Variants in OR2G6 observed in about 807,000 individuals in gnomAD.
The protein encoded by OR2G6 is olfactory receptor family 2 subfamily G member 6.
For synonymous variants in OR2G6, 183 were observed against 155.2 expected (o/e 1.18, Z -1.33); for missense variants, 457 against 391.3 (o/e 1.17, Z -1.42).
intron 1 of OR2G6, among the ~76,000 whole-genome samples, chr1:248,508,963 A>C (rs1335464091): frequency 1.6e-5 from 2 of 127,206 alleles, no homozygotes; most frequent in Non-Finnish European, 3.2e-5. Context: ...AAACATTTTA[A>C]GTTTTATTGA....
Position 248,525,152 on chromosome 1 carries a change from TTC to T in OR2G6, c.*2559_*2560del, listed in dbSNP as rs1316222808. 6.2e-4 allele frequency: 95 copies of T among 152,160 alleles called. 1 individual carries two copies. Among genetic ancestry groups the T allele is most frequent in the African/African-American group, 2.1e-3 (89 of 41,436 alleles). 9.4% of individuals were successfully genotyped at this position (152,160 alleles called of 1,614,324 possible). On this transcript the variant is annotated 3_prime_UTR_variant, in exon 2 of 2. Transcript: ENST00000641804. Reference sequence around the variant, plus strand: ...CCTATAATTGAATAACATGAGTAGTTTCTCTTTTTTAAATACCTACATTGAGC... The same window carrying T: ...CCTATAATTGAATAACATGAGTAGTTTCTTTTTTAAATACCTACATTGAGC...
At chr1:248,520,385 C>T (rs561377937) in intron 1 of OR2G6, among the ~76,000 whole-genome samples, 73 of 152,184 alleles carry the variant, frequency 4.8e-4, no homozygotes, top group Non-Finnish European at 9.6e-4. Context: ...ATGTAACGTG[C>T]ACGTTCTGCA....
rs1435791074 is a variant in OR2G6 at position 248,527,026 on chromosome 1, T to A, written c.*4429T>A. 6.6e-6 allele frequency: 1 copy of A among 152,238 alleles called. No homozygotes were observed. The highest frequency in any genetic ancestry group is 1.5e-5 in the Non-Finnish European group (1 of 68,054). 9.4% of individuals were successfully genotyped at this position (152,238 alleles called of 1,614,324 possible). A position where few individuals can be genotyped will look rare whatever the true frequency, so the allele number is the denominator to read the frequency against. ...TCCCATTTGTCAATTTTGGCTTTTG[T>A]TGCCATTGCTTTTGGTGTTTTAGAC... On this transcript the variant is annotated 3_prime_UTR_variant, in exon 2 of 2. Coordinates refer to ENST00000641804, the MANE Select transcript of OR2G6 (RefSeq NM_001013355.2).
In OR2G6 at chr1:248,521,733, C is replaced by T; in HGVS notation, c.87C>T (p.Ala29=). The T allele has an allele frequency of 1.9e-6, 3 of 1,614,040 alleles. No individual in the cohort carries two copies. Among genetic ancestry groups the T allele is most frequent in the African/African-American group, 1.3e-5 (1 of 75,018 alleles). Residue 29 remains alanine (A), a synonymous_variant, in exon 2 of 2, where the codon GCC becomes GCT. Transcript: ENST00000641804. ...CTCAGCTAGAGAGGTTTCTTTTTGC[C>T]ATCATTTTGTACTTCTACGTCTTGA... ...DQPQLERFLF[A]IILYFYVLSL...
chr1:248,524,862 G>A lies in OR2G6; in HGVS notation c.*2265G>A, dbSNP rs553035804. On this transcript the variant is annotated 3_prime_UTR_variant, in exon 2 of 2. Coordinates refer to ENST00000641804, the MANE Select transcript of OR2G6 (RefSeq NM_001013355.2). ...TAGCATCTTTAGCTGTAAGTTATTT[G>A]CACCCAAAAGGAAACCAGAAAATAA... 2 of 152,046 alleles carry A rather than the reference G, an allele frequency of 1.3e-5. No homozygotes were observed. The highest frequency in any genetic ancestry group is 4.2e-4 in the South Asian group (2 of 4,794). 9.4% of individuals were successfully genotyped at this position (152,046 alleles called of 1,614,324 possible).
In OR2G6 at chr1:248,522,640, A is replaced by C. The variant is rs547527519; in HGVS notation, c.*43A>C. ...AAACAAGGGAAACACCTCAAGGCAGAGTGAGGGTTCATCCTCCCCAGACAT... is the reference window on the plus strand; with the variant it reads ...AAACAAGGGAAACACCTCAAGGCAGCGTGAGGGTTCATCCTCCCCAGACAT... On this transcript the variant is annotated 3_prime_UTR_variant, in exon 2 of 2. Transcript: ENST00000641804. 8.9e-5 allele frequency: 119 copies of C among 1,335,876 alleles called. No individual in the cohort carries two copies. The South Asian group carries it at 1.3e-3, about 15-fold the overall frequency. 82.8% of individuals were successfully genotyped at this position (1,335,876 alleles called of 1,614,324 possible). A position where few individuals can be genotyped will look rare whatever the true frequency, so the allele number is the denominator to read the frequency against.
rs1420162629 is a variant in OR2G6, at chr1:248,523,174, GCAATGT to G, written c.*578_*583del. On this transcript the variant is annotated 3_prime_UTR_variant, in exon 2 of 2. Coordinates refer to ENST00000641804, the MANE Select transcript of OR2G6 (RefSeq NM_001013355.2). The stretch of plus-strand genomic sequence containing the variant: ...ATACATATATCTCTAACTAGGCAAA[GCAATGT>G]ATATAACAGACTGAAAAAATACATG... The G allele has an allele frequency of 3.1e-4, 48 of 153,010 alleles. No homozygotes were observed. Among genetic ancestry groups the G allele is most frequent in the African/African-American group, 1.1e-3 (46 of 41,526 alleles). The allele number at this position is 153,010 out of a possible 1,614,324, so 9.5% of individuals were successfully genotyped here. A position where few individuals can be genotyped will look rare whatever the true frequency, so the allele number is the denominator to read the frequency against.
In OR2G6 at chr1:248,522,105, C is replaced by A. The variant is rs1018629098; in HGVS notation, c.459C>A (p.Leu153=). The A allele has an allele frequency of 4.3e-6, 7 of 1,614,178 alleles. No individual in the cohort carries two copies. Among genetic ancestry groups the A allele is most frequent in the Non-Finnish European group, 5.9e-6 (7 of 1,180,036 alleles). Residue 153 remains leucine, a synonymous_variant, in exon 2 of 2, where the codon CTC becomes CTA. Coordinates refer to ENST00000641804, the MANE Select transcript of OR2G6 (RefSeq NM_001013355.2). ...CCGGTGGAGCATGGCTCAGCGGCCT[C>A]ATCACCTCCCTAATTCAGTGCTCCC... ...SLAGGAWLSG[L]ITSLIQCSLT... is the part of the protein sequence containing the mutation.
chr1:248,522,058 C>G lies in OR2G6; in HGVS notation c.412C>G (p.Pro138Ala). ...ACTGCGCTACATAGCCATTATGCAC[C>G]CCAGGTTCTGTGCGTCTCTGGCCGG... ...RPLRYIAIMH[P>A]RFCASLAGGA... Residue 138 changes from proline to alanine, a missense_variant, in exon 2 of 2, where the codon CCC becomes GCC. Transcript: ENST00000641804. 1.2e-6 allele frequency: 2 copies of G among 1,614,158 alleles called. No homozygotes were observed. Among genetic ancestry groups the G allele is most frequent in the Non-Finnish European group, 1.7e-6 (2 of 1,180,024 alleles).
In OR2G6 at chr1:248,522,242, T is replaced by A. The variant is rs1158871260; in HGVS notation, c.596T>A (p.Leu199His). The A allele has an allele frequency of 6.2e-7, 1 of 1,614,166 alleles. No individual in the cohort carries two copies. Among genetic ancestry groups the A allele is most frequent in the African/African-American group, 1.3e-5 (1 of 75,048 alleles). Reference protein sequence around the residue: ...CVDTTFNEAELFVASVVFLIV... With the variant: ...CVDTTFNEAEHFVASVVFLIV... ...GATACGACTTTCAACGAGGCAGAACTCTTTGTGGCCAGTGTAGTCTTTCTA... is the reference window on the plus strand; with the variant it reads ...GATACGACTTTCAACGAGGCAGAACACTTTGTGGCCAGTGTAGTCTTTCTA... The change falls in exon 2 of 2, where the codon CTC becomes CAC. Residue 199 changes from leucine (L) to histidine (H), a missense_variant. Leu to His is a moderately conservative substitution (Grantham distance 99). Transcript: ENST00000641804.
intron 1 of OR2G6, among the ~76,000 whole-genome samples, chr1:248,519,491 CTTGAG>C (rs1330423195): frequency 1.3e-5 from 2 of 151,546 alleles, no homozygotes; most frequent in African/African-American, 2.4e-5. Context: ...TTTAATCTAT[CTTGAG>C]TTAATTTTTT....
chr1:248,520,363 A>ATG (rs756701782), intron 1 of OR2G6, among the ~76,000 whole-genome samples: 56 of 150,734 alleles, frequency 3.7e-4, no homozygotes, highest in Admixed American at 1.6e-3. Flanking sequence ...CCACCATGGC[A>ATG]TGTGTATACT....
chr1:248,522,487 G>A lies in OR2G6; in HGVS notation c.841G>A (p.Val281Ile), dbSNP rs1233855389. 1 of 1,613,490 alleles carries A rather than the reference G, an allele frequency of 6.2e-7. No homozygotes were observed. The highest frequency in any genetic ancestry group is 1.3e-5 in the African/African-American group (1 of 74,718). ...GTTTGTTTCTCTTTTCTATACCATA[G>A]TCACCCCACTTTTAAACCCCATTAT... is the stretch of plus-strand genomic sequence containing the variant. ...GKFVSLFYTI[V>I]TPLLNPIIYT... The change falls in exon 2 of 2, where the codon GTC (valine) becomes ATC (isoleucine). Residue 281 changes from valine to isoleucine, a missense_variant. By Grantham distance (29) the Val-to-Ile change is conservative (BLOSUM62 3). Transcript: ENST00000641804.
chr1:248,523,541 C>G lies in OR2G6; in HGVS notation c.*944C>G, dbSNP rs528762625. ...ACTTCAAAAATTTGAAATATGAATC[C>G]CACACACTGTCTCACGTTAACGATC... On this transcript the variant is annotated 3_prime_UTR_variant, in exon 2 of 2. Transcript: ENST00000641804. 2.6e-5 allele frequency: 4 copies of G among 152,114 alleles called. No individual in the cohort carries two copies. Among genetic ancestry groups the G allele is most frequent in the Admixed American group, 6.5e-5 (1 of 15,274 alleles). 9.4% of individuals were successfully genotyped at this position (152,114 alleles called of 1,614,324 possible). A position where few individuals can be genotyped will look rare whatever the true frequency, so the allele number is the denominator to read the frequency against.
chr1:248,520,564 G>A (rs995238647), intron 1 of OR2G6, among the ~76,000 whole-genome samples: 2 of 152,120 alleles, frequency 1.3e-5, no homozygotes, highest in African/African-American at 2.4e-5. Context: ...ATAGTAGCTT[G>A]TGAATATTAG....
intron 1 of OR2G6, among the ~76,000 whole-genome samples, chr1:248,519,363 T>C (rs939097879): frequency 1.4e-5 from 2 of 146,874 alleles, no homozygotes; most frequent in African/African-American, 5.1e-5. Context: ...ACTTTGGCTT[T>C]TGTTGCCATT....
rs1664380806 is a variant in OR2G6 at position 248,525,629 on chromosome 1, T to TAA, written c.*3034_*3035dup. ...GCTACTACAAAAAAACACCAAAATATAAAGACCAATGATACTGTGAAGAAA... is the reference window on the plus strand; with the variant it reads ...GCTACTACAAAAAAACACCAAAATATAAAAAGACCAATGATACTGTGAAGAAA... On this transcript the variant is annotated 3_prime_UTR_variant, in exon 2 of 2. Coordinates refer to ENST00000641804, the MANE Select transcript of OR2G6 (RefSeq NM_001013355.2). The TAA allele has an allele frequency of 6.6e-6, 1 of 151,996 alleles. No homozygotes were observed. Among genetic ancestry groups the TAA allele is most frequent in the Non-Finnish European group, 1.5e-5 (1 of 67,988 alleles). The allele number at this position is 151,996 out of a possible 1,614,324, so 9.4% of individuals were successfully genotyped here.
Position 248,523,573 on chromosome 1 carries a change from AT to A in OR2G6, c.*977del, listed in dbSNP as rs1200939454. The A allele has an allele frequency of 3.9e-5, 6 of 152,022 alleles. No homozygotes were observed. Among genetic ancestry groups the A allele is most frequent in the African/African-American group, 1.4e-4 (6 of 41,440 alleles). The allele number at this position is 152,022 out of a possible 1,614,324, so 9.4% of individuals were successfully genotyped here. On this transcript the variant is annotated 3_prime_UTR_variant, in exon 2 of 2. Coordinates refer to ENST00000641804, the MANE Select transcript of OR2G6 (RefSeq NM_001013355.2). The stretch of plus-strand genomic sequence containing the variant: ...CTGTCTCACGTTAACGATCATAGTT[AT>A]ATGTTTGGTTTCCAAAACAGCAAAA...
rs1422387131 is a variant in OR2G6 at position 248,526,828 on chromosome 1, C to CTTTTTGATGGGTTTTTTTT, written c.*4234_*4252dup. 6.9e-6 allele frequency: 1 copy of CTTTTTGATGGGTTTTTTTT among 145,452 alleles called. No homozygotes were observed. Among genetic ancestry groups the CTTTTTGATGGGTTTTTTTT allele is most frequent in the Non-Finnish European group, 1.5e-5 (1 of 67,028 alleles). The allele number at this position is 145,452 out of a possible 1,614,324, so 9.0% of individuals were successfully genotyped here. A position where few individuals can be genotyped will look rare whatever the true frequency, so the allele number is the denominator to read the frequency against. On this transcript the variant is annotated 3_prime_UTR_variant, in exon 2 of 2. Transcript: ENST00000641804. The stretch of plus-strand genomic sequence containing the variant: ...AGTGTCTGTTCATATCTTTCGCCCA[C>CTTTTTGATGGGTTTTTTTT]TTTTTGATGGGTTTTTTTTTTCTTG...
Sources: allele counts gnomAD v4.1 joint callset (sites outside exome capture counted in the v4.1 genomes callset), GRCh38; gene constraint gnomAD v4.1.1; transcripts MANE v1.5; gene names NCBI Gene and HGNC (gene_info 2026-07-23, HGNC 2026-07-21).